URB1: variants seen among roughly 807,000 people sequenced by gnomAD.
URB1 encodes the protein nucleolar pre-ribosomal-associated protein 1.
In URB1, 197 loss-of-function variants were observed where a neutral mutation model predicts 242.3. The ratio of observed to expected loss-of-function variants is 0.81; its 90% CI spans 0.72 to 0.91. URB1 has a LOEUF of 0.91. Ranked by LOEUF, URB1 falls within the 40% of genes least tolerant of loss-of-function variation. The pLI, the probability that URB1 is intolerant of heterozygous loss-of-function variation, is 0.00. For synonymous variants in URB1, 1,153 were observed against 1,201.8 expected, an observed-to-expected ratio of 0.96 and a Z score of 0.84; for missense variants, 2,721 against 2,860.5, an observed-to-expected ratio of 0.95 and a Z score of 1.11.
At chr21:32,366,839 C>A in intron 9 of URB1, 84 bp from the exon 10 acceptor site, 2 of 1,414,720 alleles carry the variant, frequency 1.4e-6, no homozygotes, top group East Asian at 2.5e-5. Context: ...AAAGGTGAAG[C>A]CATTCAATCA....
chr21:32,337,961 C>G (rs1050921284), intron 26 of URB1, among the ~76,000 whole-genome samples: 1 of 152,194 alleles, frequency 6.6e-6, no homozygotes, highest in Non-Finnish European at 1.5e-5. Context: ...ATGTTTTCCC[C>G]ATGACTGTGC....
At position 32,313,829 on chromosome 21, in the gene URB1, T is replaced by C. The variant is rs1434195175; in HGVS notation, c.*1089A>G. 1 of 152,182 alleles carries C rather than the reference T, an allele frequency of 6.6e-6. No homozygotes were observed. The highest frequency in any genetic ancestry group is 2.4e-5 in the African/African-American group (1 of 41,436). The allele number at this position is 152,182 out of a possible 1,614,324, so 9.4% of individuals were successfully genotyped here. A position where few individuals can be genotyped will look rare whatever the true frequency, so the allele number is the denominator to read the frequency against. On this transcript the variant is annotated 3_prime_UTR_variant, in exon 39 of 39. Transcript: ENST00000382751. ...TGAAAACCACGAAATTTCATGACTT[T>C]TGTCAGCTACAACCCCAACTAATAT...
At chr21:32,328,996 C>T (rs1251310970) in intron 30 of URB1, among the ~76,000 whole-genome samples, 3 of 151,940 alleles carry the variant, frequency 2.0e-5, no homozygotes, top group Non-Finnish European at 4.4e-5. Flanking sequence ...TGTAATGGCT[C>T]ACCCAGCCTC....
chr21:32,355,547 C>A lies in URB1; in HGVS notation c.2008G>T (p.Val670Leu). 6.4e-7 allele frequency: 1 copy of A among 1,551,694 alleles called. No homozygotes were observed. Among genetic ancestry groups the A allele is most frequent in the East Asian group, 2.4e-5 (1 of 40,920 alleles). Residue 670 changes from valine (V) to leucine (L), a missense_variant, in exon 16 of 39, where the codon GTG becomes TTG. By Grantham distance (32) the Val-to-Leu change is conservative (BLOSUM62 1). Transcript: ENST00000382751. ...AGCTCCTTCCAGGTGTGCTCAAACA[C>A]CCCCGTGTCCCGCAGAATCTGCCAG... Reference protein sequence around the residue: ...LIMKILRDTGVFEHTWKELEL... With the variant: ...LIMKILRDTGLFEHTWKELEL...
intron 14 of URB1, among the ~76,000 whole-genome samples, chr21:32,359,250 T>C (rs1412157799): frequency 1.3e-5 from 2 of 152,194 alleles, no homozygotes. Context: ...TGATGCAGCA[T>C]CCTGGGCTTA....
In URB1 at chr21:32,312,788, C is replaced by T. The variant is rs562070883; in HGVS notation, c.*2130G>A. On this transcript the variant is annotated 3_prime_UTR_variant, in exon 39 of 39. Transcript: ENST00000382751. ...AAATCTCAGAAGACCCATATGTCCC[C>T]TACAGCTTTCAGGCAAGGAGGGAGT... The T allele has an allele frequency of 6.6e-6, 1 of 152,382 alleles. No individual in the cohort carries two copies. The highest frequency in any genetic ancestry group is 2.4e-5 in the African/African-American group (1 of 41,560). 9.4% of individuals were successfully genotyped at this position (152,382 alleles called of 1,614,324 possible). A position where few individuals can be genotyped will look rare whatever the true frequency, so the allele number is the denominator to read the frequency against.
chr21:32,334,047 T>C, intron 29 of URB1, 116 bp downstream of exon 29: 1 of 1,296,178 alleles, frequency 7.7e-7, no homozygotes, highest in Non-Finnish European at 1.0e-6. Flanking sequence ...TTATATATGA[T>C]AAGATTCTTA....
chr21:32,333,253 A>C (rs1312504875), intron 30 of URB1, 64 bp downstream of exon 30: 37 of 1,340,586 alleles, frequency 2.8e-5, no homozygotes, highest in Non-Finnish European at 3.9e-5. Context: ...TAATTACCAT[A>C]ATCAACCTGA....
At chr21:32,364,625 C>T (rs1011078820) in intron 10 of URB1, among the ~76,000 whole-genome samples, 1 of 152,244 alleles carries the variant, frequency 6.6e-6, no homozygotes, top group Admixed American at 6.5e-5. Context: ...CCCACACAAG[C>T]GTGCACACCA....
intron 7 of URB1, among the ~76,000 whole-genome samples, 165 bp downstream of exon 7, chr21:32,373,482 T>C (rs767117739): frequency 2.4e-4 from 35 of 148,544 alleles, no homozygotes; most frequent in Non-Finnish European, 3.5e-4. Context: ...AAAAAAATCC[T>C]ATTGCAGTTA....
At chr21:32,337,239 C>T (rs966573143) in intron 27 of URB1, 82 bp from the exon 28 acceptor site, 6 of 1,462,792 alleles carry the variant, frequency 4.1e-6, no homozygotes, top group Non-Finnish European at 5.6e-6. Context: ...CTCATACCCT[C>T]CCTGCTCAAA....
chr21:32,332,562 C>A (rs796229541), intron 30 of URB1, among the ~76,000 whole-genome samples: 35 of 1,964 alleles, frequency 0.018, no homozygotes, highest in Admixed American at 0.023. Context: ...GTTAAAAAAA[C>A]AAAAGACAAA....
chr21:32,348,100 C>G (rs903299393), intron 21 of URB1, among the ~76,000 whole-genome samples: 2 of 152,188 alleles, frequency 1.3e-5, no homozygotes, highest in African/African-American at 4.8e-5. Context: ...CCCACATTTG[C>G]GAGCACGTGT....
At chr21:32,360,891 G>C (rs991847294) in intron 13 of URB1, 116 bp downstream of exon 13, 1 of 627,216 alleles carries the variant, frequency 1.6e-6, no homozygotes, top group Non-Finnish European at 2.7e-6. Flanking sequence ...TTCTCAGGCT[G>C]ACGGATGAGC....
chr21:32,319,944 G>A (rs933203630), intron 35 of URB1, among the ~76,000 whole-genome samples: 66 of 152,318 alleles, frequency 4.3e-4, no homozygotes, highest in African/African-American at 1.5e-3. Flanking sequence ...GTAAGACAGA[G>A]CCCTCCCGCC....
At chr21:32,388,273 C>T (rs1319228320) in intron 1 of URB1, among the ~76,000 whole-genome samples, 1 of 152,190 alleles carries the variant, frequency 6.6e-6, no homozygotes, top group African/African-American at 2.4e-5. Flanking sequence ...ACCTACCTGA[C>T]AGGGTTTGTA....
intron 28 of URB1, among the ~76,000 whole-genome samples, chr21:32,336,775 G>A (rs1052015121): frequency 6.6e-6 from 1 of 152,158 alleles, no homozygotes; most frequent in African/African-American, 2.4e-5. Flanking sequence ...CTACCTAAAG[G>A]CATGAGCAGA....
chr21:32,372,088 T>G (rs781028357), intron 8 of URB1, among the ~76,000 whole-genome samples: 1 of 152,290 alleles, frequency 6.6e-6, no homozygotes, highest in Non-Finnish European at 1.5e-5. Flanking sequence ...ATTTAACCAG[T>G]GTAAGTGTCT....
In URB1 at chr21:32,373,653, AT is replaced by A; in HGVS notation, c.869del (p.Asn290MetfsTer22). 6.5e-7 allele frequency: 1 copy of A among 1,536,966 alleles called. No homozygotes were observed. The highest frequency in any genetic ancestry group is 8.8e-7 in the Non-Finnish European group (1 of 1,142,688). On this transcript the variant is annotated frameshift_variant, in exon 7 of 39. Coordinates refer to ENST00000382751, the MANE Select transcript of URB1 (RefSeq NM_014825.3). LOFTEE classifies it high-confidence loss of function. ...AACCAAAAAGTGTCTGCACCTTGAC[AT>A]TTTCTGGGTTCACATCGGTAATCCC... ...WNGITDVNPE[N>X]VKVSAEEAGK... is the part of the protein sequence containing the mutation.
Sources: allele counts gnomAD v4.1 joint callset (sites outside exome capture counted in the v4.1 genomes callset), GRCh38; gene constraint gnomAD v4.1.1; transcripts MANE v1.5; gene names NCBI Gene and HGNC (gene_info 2026-07-23, HGNC 2026-07-21).